The following DDI2 variants were observed in gnomAD, a reference collection of about 807,000 sequenced individuals.
DDI2 encodes the protein DDI proteasomal shuttling factor 2, also known as protein DDI1 homolog 2.
Under a neutral mutation model 48.1 loss-of-function variants are expected in DDI2, and 5 were observed. The ratio of observed to expected loss-of-function variants is 0.10; its 90% CI spans 0.05 to 0.22. The LOEUF (loss-of-function observed/expected upper bound fraction) is 0.22. Among genes scored for constraint, DDI2 ranks in the 10% least tolerant of loss-of-function variants. DDI2 has a pLI of 1.00. For synonymous variants in DDI2, 205 were observed against 183.6 expected (o/e 1.12, Z -0.94); for missense variants, 285 against 506.2 (o/e 0.56, Z 4.19).
chr1:15,625,667 C>T (rs1639741752), intron 1 of DDI2, among the ~76,000 whole-genome samples: 1 of 152,168 alleles, frequency 6.6e-6, no homozygotes, highest in African/African-American at 2.4e-5. Flanking sequence ...CTTGCCCAGG[C>T]TAGGGTGCAG....
At chr1:15,658,437 A>T (rs1350899073) in intron 9 of DDI2, among the ~76,000 whole-genome samples, 2 of 151,596 alleles carry the variant, frequency 1.3e-5, no homozygotes, top group Admixed American at 6.6e-5. Flanking sequence ...GGCATGAGCC[A>T]CTGTGCCCAG....
Position 15,660,715 on chromosome 1 carries a change from G to A in DDI2, c.*925G>A. ...CATTGGTGCATTGGATCTCACTTTA[G>A]ATAATCCCTTGATGGAAGTAGAAAC... On this transcript the variant is annotated 3_prime_UTR_variant, in exon 10 of 10. Transcript: ENST00000480945. 6.2e-7 allele frequency: 1 copy of A among 1,613,950 alleles called. No individual in the cohort carries two copies. The highest frequency in any genetic ancestry group is 8.5e-7 in the Non-Finnish European group (1 of 1,179,988).
intron 3 of DDI2, among the ~76,000 whole-genome samples, chr1:15,631,464 A>G (rs575119332): frequency 1.3e-5 from 2 of 152,344 alleles, no homozygotes; most frequent in Admixed American, 1.3e-4. Flanking sequence ...AATTACTCTC[A>G]TTTTACTCTT....
chr1:15,628,875 G>T (rs533823723), intron 2 of DDI2, among the ~76,000 whole-genome samples: 1 of 152,010 alleles, frequency 6.6e-6, no homozygotes, highest in African/African-American at 2.4e-5. Context: ...CCTAGTCTCC[G>T]CAGCCTAGAC....
At position 15,660,347 on chromosome 1, in the gene DDI2, G is replaced by A. The variant is rs1224127751; in HGVS notation, c.*557G>A. 2.5e-6 allele frequency: 4 copies of A among 1,614,034 alleles called. No homozygotes were observed. The highest frequency in any genetic ancestry group is 1.7e-5 in the Admixed American group (1 of 60,012). ...TGGCATCCAGAAAATCAGAACCTGA[G>A]TCAAGTGAGTGACCCTCAGCAGCAC... is the stretch of plus-strand genomic sequence containing the variant. On this transcript the variant is annotated 3_prime_UTR_variant, in exon 10 of 10. Transcript: ENST00000480945.
intron 8 of DDI2, among the ~76,000 whole-genome samples, chr1:15,652,712 A>G (rs1427082440): frequency 1.3e-5 from 2 of 151,808 alleles, no homozygotes; most frequent in African/African-American, 4.8e-5. Context: ...ATTCCCAGCT[A>G]CTCAGGAGGC....
At chr1:15,642,688 C>A (rs1557618879) in intron 5 of DDI2, among the ~76,000 whole-genome samples, 2 of 152,202 alleles carry the variant, frequency 1.3e-5, no homozygotes, top group Non-Finnish European at 2.9e-5. Flanking sequence ...CTTTGGGAAG[C>A]TGAGGTGGGC....
intron 2 of DDI2, among the ~76,000 whole-genome samples, chr1:15,629,637 C>A (rs1639812204): frequency 6.6e-6 from 1 of 151,308 alleles, no homozygotes; most frequent in South Asian, 2.1e-4. Context: ...AGCGTCAAGG[C>A]TGTTTGAACC....
At chr1:15,652,058 C>T (rs1289956127) in intron 8 of DDI2, among the ~76,000 whole-genome samples, 163 bp downstream of exon 8, 11 of 75,962 alleles carry the variant, frequency 1.4e-4, no homozygotes, top group African/African-American at 7.2e-4. Flanking sequence ...TTTGATCTTC[C>T]TTTTTTTTTT....
At chr1:15,658,816 G>A (rs1237000051) in intron 9 of DDI2, among the ~76,000 whole-genome samples, 2 of 151,938 alleles carry the variant, frequency 1.3e-5, no homozygotes, top group African/African-American at 2.4e-5. Flanking sequence ...TGGATTGGTG[G>A]CAAAAGAAGA....
chr1:15,651,965 AG>A, intron 8 of DDI2, 70 bp downstream of exon 8: 1 of 1,492,464 alleles, frequency 6.7e-7, no homozygotes, highest in Non-Finnish European at 9.0e-7. Flanking sequence ...GGGCTTCAGA[AG>A]GGGTAGGAAC....
chr1:15,622,953 T>G (rs999844294), intron 1 of DDI2, among the ~76,000 whole-genome samples: 7 of 152,200 alleles, frequency 4.6e-5, no homozygotes, highest in African/African-American at 1.7e-4. Flanking sequence ...AGTCTAGTGT[T>G]TCCAGGAAAT....
At chr1:15,626,115 C>G (rs1287207796) in intron 1 of DDI2, among the ~76,000 whole-genome samples, 1 of 152,154 alleles carries the variant, frequency 6.6e-6, no homozygotes, top group Admixed American at 6.5e-5. Flanking sequence ...AAATTATATC[C>G]ATTTCCATAA....
At chr1:15,623,179 G>A (rs568206336) in intron 1 of DDI2, among the ~76,000 whole-genome samples, 41 of 152,100 alleles carry the variant, frequency 2.7e-4, no homozygotes, top group Non-Finnish European at 5.0e-4. Context: ...CATGTCCAGG[G>A]CATGGGGATG....
intron 4 of DDI2, among the ~76,000 whole-genome samples, chr1:15,635,689 G>A (rs986003441): frequency 6.6e-6 from 1 of 152,178 alleles, no homozygotes; most frequent in South Asian, 2.1e-4. Flanking sequence ...ACAGGTGTGA[G>A]CCACTGCGCC....
rs960367948 is a variant in DDI2, at chr1:15,661,858, T to A, written c.*2068T>A. 9 of 1,249,530 alleles carry A rather than the reference T, an allele frequency of 7.2e-6. No homozygotes were observed. In the Admixed American group the frequency reaches 1.4e-4, roughly 20 times the overall value. 77.4% of individuals were successfully genotyped at this position (1,249,530 alleles called of 1,614,324 possible). On this transcript the variant is annotated 3_prime_UTR_variant, in exon 10 of 10. Transcript: ENST00000480945. ...TGCAAGCAGAATGTTGAGCCAGATTTTTTTTAAAGATTTTTTTCGGCCAAA... is the reference window on the plus strand; with the variant it reads ...TGCAAGCAGAATGTTGAGCCAGATTATTTTTAAAGATTTTTTTCGGCCAAA...
intron 6 of DDI2, among the ~76,000 whole-genome samples, chr1:15,646,452 C>T (rs1438451198): frequency 2.0e-5 from 3 of 152,110 alleles, no homozygotes; most frequent in Non-Finnish European, 4.4e-5. Context: ...TTTGGGACCC[C>T]GAGGCAGGTG....
chr1:15,656,527 G>A lies in DDI2; in HGVS notation c.1184-90G>A, dbSNP rs1312705520. The stretch of plus-strand genomic sequence containing the variant: ...GAATCTACCAGTTCCTGATTTTAAA[G>A]ATGGCAAAAGAACGGAAACTATAAC... On this transcript the variant is annotated intron_variant, in intron 8 of 9. Transcript: ENST00000480945. 10 of 1,609,818 alleles carry A rather than the reference G, an allele frequency of 6.2e-6. No individual in the cohort carries two copies. In the East Asian group the frequency reaches 2.2e-4, roughly 36 times the overall value.
At chr1:15,626,905 G>A (rs1029017918) in intron 2 of DDI2, 107 bp downstream of exon 2, 72 of 1,363,092 alleles carry the variant, frequency 5.3e-5, no homozygotes, top group Non-Finnish European at 6.8e-5. Context: ...ACAGAATACA[G>A]ATCCTGACTC....
Sources: gnomAD v4.1 joint callset for allele counts (sites outside exome capture counted in the v4.1 genomes callset) on GRCh38, gnomAD v4.1.1 for gene constraint, MANE v1.5 for transcripts, NCBI Gene and HGNC (gene_info 2026-07-23, HGNC 2026-07-21) for gene names.